SPPL2A: variants seen among roughly 807,000 people sequenced by gnomAD.
SPPL2A encodes the protein signal peptide peptidase like 2A.
In SPPL2A, 51 loss-of-function variants were observed where a neutral mutation model predicts 63.8. That is an observed-to-expected ratio of 0.80 (90% CI 0.64 to 1.01). SPPL2A has a LOEUF of 1.01. SPPL2A is among the 50% of genes least tolerant of loss of function. The pLI, the probability that SPPL2A is intolerant of heterozygous loss-of-function variation, is 0.00. For missense variants in SPPL2A, 553 were observed against 622.7 expected (o/e 0.89, Z 1.19); for synonymous variants, 188 against 205.8 (o/e 0.91, Z 0.74).
In SPPL2A at chr15:50,722,177, C is replaced by A. The variant is rs199527244; in HGVS notation, c.1274G>T (p.Arg425Ile). The change falls in exon 13 of 15, where the codon AGA becomes ATA. Residue 425 changes from arginine (R) to isoleucine (I), a missense_variant. Arg to Ile is a moderately conservative substitution (Grantham distance 97). Transcript: ENST00000261854. ...VPGLLIAYCR[R>I]FDVQTGSSYI... Reference sequence around the variant, plus strand: ...AGAAGAACCAGTCTGAACATCAAATCTTCTACAGTATGCAATCAACAGGCC... The same window carrying A: ...AGAAGAACCAGTCTGAACATCAAATATTCTACAGTATGCAATCAACAGGCC... 17 of 1,598,152 alleles carry A rather than the reference C, an allele frequency of 1.1e-5. No individual in the cohort carries two copies. The Admixed American group carries it at 2.5e-4, about 24-fold the overall frequency.
intron 14 of SPPL2A, among the ~76,000 whole-genome samples, chr15:50,709,419 ACTTGC>A (rs2062539342): frequency 6.6e-6 from 1 of 152,174 alleles, no homozygotes; most frequent in Non-Finnish European, 1.5e-5. Context: ...GGGTCTCTTG[ACTTGC>A]CAGGCAGAAA....
chr15:50,719,621 T>C (rs147905528), intron 14 of SPPL2A, among the ~76,000 whole-genome samples: 15 of 152,190 alleles, frequency 9.9e-5, no homozygotes, highest in African/African-American at 3.6e-4. Flanking sequence ...ATTAAGTACT[T>C]ATTTTAAACA....
chr15:50,733,707 A>T lies in SPPL2A; in HGVS notation c.933-1023T>A, dbSNP rs117683745. Among the ~76,000 whole-genome samples, 570 of 152,326 alleles carry T rather than the reference A, an allele frequency of 3.7e-3. 3 individuals are homozygous for T. The highest frequency in any genetic ancestry group is 0.02 in the Middle Eastern group (6 of 294). ...AAAGGTTTTGCATGGCAAAGGAAAA[A>T]TCAAGAAAGTGAAGAAACAACCCAC... On this transcript the variant is annotated intron_variant, in intron 8 of 14. Transcript: ENST00000261854.
intron 12 of SPPL2A, among the ~76,000 whole-genome samples, chr15:50,724,794 A>C (rs1397125675): frequency 6.6e-6 from 1 of 152,212 alleles, no homozygotes; most frequent in African/African-American, 2.4e-5. Flanking sequence ...ACGCAGTCCT[A>C]CAAGCTGGTG....
Position 50,705,867 on chromosome 15 carries a change from T to C in SPPL2A, c.*1933A>G, listed in dbSNP as rs1345760788. 1 of 152,230 alleles carries C rather than the reference T, an allele frequency of 6.6e-6. No homozygotes were observed. The highest frequency in any genetic ancestry group is 2.4e-5 in the African/African-American group (1 of 41,468). The allele number at this position is 152,230 out of a possible 1,614,324, so 9.4% of individuals were successfully genotyped here. The stretch of plus-strand genomic sequence containing the variant: ...GAAAGATATAGTTCTGTTCACATAT[T>C]TTATACATTATTTACAGAGAAATGA... On this transcript the variant is annotated 3_prime_UTR_variant, in exon 15 of 15. Coordinates refer to ENST00000261854, the MANE Select transcript of SPPL2A (RefSeq NM_032802.4).
At chr15:50,736,861 A>G (rs77085986) in intron 6 of SPPL2A, 121 bp from the exon 7 acceptor site, 18,729 of 542,052 alleles carry the variant, frequency 0.035, 2,919 homozygotes, top group African/African-American at 0.33. Flanking sequence ...TGAAGTGACT[A>G]TACGATGACC....
chr15:50,714,345 T>C (rs1454084463), intron 14 of SPPL2A, among the ~76,000 whole-genome samples: 2 of 152,100 alleles, frequency 1.3e-5, no homozygotes, highest in African/African-American at 4.8e-5. Flanking sequence ...CAAATTTTTT[T>C]CTCAGGCCAG....
Position 50,703,349 on chromosome 15 carries a change from T to TATATATATAC in SPPL2A, c.*4450_*4451insGTATATATAT, listed in dbSNP as rs2062489421. The TATATATATAC allele has an allele frequency of 2.3e-5, 2 of 88,002 alleles. No individual in the cohort carries two copies. Among genetic ancestry groups the TATATATATAC allele is most frequent in the Non-Finnish European group, 4.3e-5 (2 of 46,676 alleles). 5.5% of individuals were successfully genotyped at this position (88,002 alleles called of 1,614,324 possible). A position where few individuals can be genotyped will look rare whatever the true frequency, so the allele number is the denominator to read the frequency against. On this transcript the variant is annotated 3_prime_UTR_variant, in exon 15 of 15. Coordinates refer to ENST00000261854, the MANE Select transcript of SPPL2A (RefSeq NM_032802.4). ...ACATATATATATATATATATATACA[T>TATATATATAC]ATATATATTTTTTTTTTTTTTTTTT...
intron 14 of SPPL2A, among the ~76,000 whole-genome samples, chr15:50,713,834 A>G (rs1225270047): frequency 6.6e-6 from 1 of 152,204 alleles, no homozygotes; most frequent in East Asian, 1.9e-4. Flanking sequence ...AACAAACAAC[A>G]AAACAAAAAA....
intron 8 of SPPL2A, among the ~76,000 whole-genome samples, chr15:50,735,500 TACAC>T (rs768922277): frequency 6.6e-6 from 1 of 150,410 alleles, no homozygotes. Context: ...TGTGTATATA[TACAC>T]ACACACACAT....
chr15:50,735,814 T>A (rs1429286710), intron 8 of SPPL2A, among the ~76,000 whole-genome samples: 1 of 152,136 alleles, frequency 6.6e-6, no homozygotes, highest in African/African-American at 2.4e-5. Flanking sequence ...CGACCTCAGG[T>A]GATCCGCCTG....
At chr15:50,758,170 T>C (rs2062977652) in intron 1 of SPPL2A, among the ~76,000 whole-genome samples, 1 of 148,666 alleles carries the variant, frequency 6.7e-6, no homozygotes, top group Admixed American at 6.7e-5. Flanking sequence ...ACGCCTGTAG[T>C]CCCAGCTACT....
chr15:50,726,388 G>A lies in SPPL2A; in HGVS notation c.1090-11C>T, dbSNP rs1180228979. 1.9e-6 allele frequency: 3 copies of A among 1,611,774 alleles called. No homozygotes were observed. Among genetic ancestry groups the A allele is most frequent in the South Asian group, 2.2e-5 (2 of 91,004 alleles). On this transcript the variant is annotated splice_polypyrimidine_tract_variant and intron_variant, in intron 10 of 14. Transcript: ENST00000261854. ...GATACTCTCACCATTCTAAAATTGAGAAGGAAAAGAAGTTGTCTAATCATT... is the reference window on the plus strand; with the variant it reads ...GATACTCTCACCATTCTAAAATTGAAAAGGAAAAGAAGTTGTCTAATCATT...
intron 1 of SPPL2A, among the ~76,000 whole-genome samples, 193 bp downstream of exon 1, chr15:50,765,275 G>A (rs1451792154): frequency 1.3e-5 from 2 of 152,078 alleles, no homozygotes; most frequent in African/African-American, 2.4e-5. Flanking sequence ...GGGGGAAAGA[G>A]GGTGGAAAAG....
At chr15:50,721,534 G>A (rs2062646562) in intron 13 of SPPL2A, among the ~76,000 whole-genome samples, 1 of 150,806 alleles carries the variant, frequency 6.6e-6, no homozygotes, top group African/African-American at 2.4e-5. Flanking sequence ...GGGCTTAAGC[G>A]TTTCTCCCAT....
chr15:50,730,986 G>C lies in SPPL2A; in HGVS notation c.1068C>G (p.Phe356Leu), dbSNP rs768598919. The C allele has an allele frequency of 1.4e-6, 2 of 1,469,498 alleles. No homozygotes were observed. Among genetic ancestry groups the C allele is most frequent in the Non-Finnish European group, 1.9e-6 (2 of 1,052,294 alleles). The allele number at this position is 1,469,498 out of a possible 1,614,324, so 91.0% of individuals were successfully genotyped here. ...ATACCTTTGTGATGAATGGTGTTAT[G>C]AAAACAAAAAATACATCATAGAGGA... ...LLLLYDVFFV[F>L]ITPFITKNGE... Residue 356 changes from phenylalanine (F) to leucine (L), a missense_variant, in exon 10 of 15, where the codon TTC becomes TTG. Physicochemically the swap from Phe to Leu is conservative, Grantham distance 22 (BLOSUM62 0). Transcript: ENST00000261854.
At chr15:50,754,612 T>C (rs988464802) in intron 1 of SPPL2A, among the ~76,000 whole-genome samples, 3 of 152,112 alleles carry the variant, frequency 2.0e-5, no homozygotes, top group Non-Finnish European at 2.9e-5. Flanking sequence ...ACTGGGGAGA[T>C]TAAAAGCAAA....
intron 6 of SPPL2A, among the ~76,000 whole-genome samples, chr15:50,737,778 A>T (rs2062783273): frequency 6.6e-6 from 1 of 152,108 alleles, no homozygotes; most frequent in Admixed American, 6.6e-5. Context: ...TAATTAAAAA[A>T]TACATGTCAT....
intron 1 of SPPL2A, among the ~76,000 whole-genome samples, chr15:50,757,017 T>C (rs1351851502): frequency 6.6e-6 from 1 of 152,080 alleles, no homozygotes; most frequent in Non-Finnish European, 1.5e-5. Context: ...TCTACAATAC[T>C]GGCATGGGTT....
Sources: allele counts gnomAD v4.1 joint callset (sites outside exome capture counted in the v4.1 genomes callset), GRCh38; gene constraint gnomAD v4.1.1; transcripts MANE v1.5; gene names NCBI Gene and HGNC (gene_info 2026-07-23, HGNC 2026-07-21).